Variants in PCDH15 observed in about 807,000 individuals in gnomAD.
PCDH15 encodes the protein protocadherin related 15.
A neutral mutation model predicts 178.5 loss-of-function variants in PCDH15; 129 were observed. The observed-to-expected ratio is 0.72, with a 90% confidence interval of 0.63 to 0.84. The LOEUF is 0.84. PCDH15 is among the 40% of genes least tolerant of loss of function. The probability of loss-of-function intolerance (pLI) is 0.00; values close to 1 mark genes in which losing one functional copy is unlikely to be tolerated. For synonymous variants in PCDH15, 800 were observed against 732.0 expected (o/e 1.09, Z -1.50); for missense variants, 2,230 against 2,099.9 (o/e 1.06, Z -1.21).
intron 10 of PCDH15, among the ~76,000 whole-genome samples, chr10:54,202,340 G>A (rs925682803): frequency 1.3e-5 from 2 of 152,008 alleles, no homozygotes; most frequent in African/African-American, 4.8e-5. Context: ...AAAAGAGGGA[G>A]GGAGGAAGAA....
chr10:54,735,768 A>G lies in PCDH15; in HGVS notation c.-29+65157T>C, dbSNP rs532794828. On this transcript the variant is annotated intron_variant, in intron 1 of 37. Coordinates refer to ENST00000644397, the MANE Select transcript of PCDH15 (RefSeq NM_001384140.1). ...ATTCTCAGTAAACTATCGCAAGAAC[A>G]AAAAACCAAACACCGCATATTCTCA... Among the ~76,000 whole-genome samples, 102 of 119,078 alleles carry G rather than the reference A, an allele frequency of 8.6e-4. 1 individual carries two copies. Among genetic ancestry groups the G allele is most frequent in the Non-Finnish European group, 1.5e-3 (87 of 56,476 alleles). 78.1% of individuals were successfully genotyped at this position (119,078 alleles called of 152,430 possible). A position where few individuals can be genotyped will look rare whatever the true frequency, so the allele number is the denominator to read the frequency against.
chr10:55,141,133 G>GT (rs541623656), intron 2 of PCDH15, among the ~76,000 whole-genome samples: 27 of 151,758 alleles, frequency 1.8e-4, no homozygotes, highest in African/African-American at 5.8e-4. Context: ...ATTTATTTGA[G>GT]TTTTTTTTAA....
chr10:54,227,309 T>G (rs2053563053), intron 9 of PCDH15, among the ~76,000 whole-genome samples: 1 of 152,236 alleles, frequency 6.6e-6, no homozygotes, highest in Non-Finnish European at 1.5e-5. Context: ...TCTTGACTTC[T>G]GAGCACTCAC....
chr10:55,353,202 C>T (rs936633651), intron 2 of PCDH15, among the ~76,000 whole-genome samples: 8 of 152,050 alleles, frequency 5.3e-5, no homozygotes, highest in African/African-American at 1.7e-4. Flanking sequence ...CCCAAGAGGT[C>T]GTCAAATCCC....
intron 1 of PCDH15, among the ~76,000 whole-genome samples, chr10:55,307,506 T>A (rs1412403022): frequency 2.1e-5 from 3 of 145,866 alleles, no homozygotes; most frequent in African/African-American, 5.1e-5. Flanking sequence ...AGACTCCATC[T>A]CAAAAAAAAA....
chr10:54,026,811 T>G (rs2135373069), intron 18 of PCDH15, among the ~76,000 whole-genome samples: 1 of 152,246 alleles, frequency 6.6e-6, no homozygotes, highest in East Asian at 1.9e-4. Flanking sequence ...GAGCTATCTA[T>G]GACAAACCCA....
At chr10:53,849,783 C>T (rs1240037811) in intron 28 of PCDH15, among the ~76,000 whole-genome samples, 1 of 146,612 alleles carries the variant, frequency 6.8e-6, no homozygotes. Context: ...ATGACATGAA[C>T]CCGGGAGACG....
intron 9 of PCDH15, 152 bp from the exon 10 acceptor site, chr10:54,214,200 CA>C: frequency 3.4e-6 from 2 of 580,372 alleles, no homozygotes; most frequent in South Asian, 3.6e-5. Flanking sequence ...AAAGCAGACA[CA>C]AATGTGGTAT....
chr10:55,301,965 C>A (rs1843293113), intron 1 of PCDH15, among the ~76,000 whole-genome samples: 1 of 152,166 alleles, frequency 6.6e-6, no homozygotes, highest in Admixed American at 6.6e-5. Flanking sequence ...TCAGCCAAAA[C>A]AGCACTGTCT....
At chr10:53,967,525 G>C (rs889524216) in intron 21 of PCDH15, among the ~76,000 whole-genome samples, 4 of 152,088 alleles carry the variant, frequency 2.6e-5, no homozygotes, top group Admixed American at 2.0e-4. Context: ...TTTCAGTTTG[G>C]CCTCCCAAAG....
Position 55,528,885 on chromosome 10 carries a change from T to C in PCDH15, c.-156+98740A>G, listed in dbSNP as rs370120944. Among the ~76,000 whole-genome samples, 741 of 152,162 alleles carry C rather than the reference T, an allele frequency of 4.9e-3. 6 individuals are homozygous for C. The highest frequency in any genetic ancestry group is 0.017 in the African/African-American group (689 of 41,518). ...CTATTTCTCCACATCCTCTCCAGCA[T>C]CTGTTGTTTCCTGACTTTTTAATGA... On this transcript the variant is annotated intron_variant, in intron 2 of 5. Transcript: ENST00000613346.
chr10:54,103,424 A>G (rs990096700), intron 15 of PCDH15, among the ~76,000 whole-genome samples: 8 of 152,080 alleles, frequency 5.3e-5, no homozygotes, highest in Admixed American at 3.3e-4. Flanking sequence ...AATTACTCCT[A>G]TTGTATTTAA....
chr10:55,215,868 A>T (rs984752276), intron 1 of PCDH15, among the ~76,000 whole-genome samples: 1 of 152,066 alleles, frequency 6.6e-6, no homozygotes, highest in African/African-American at 2.4e-5. Context: ...GACATCCAGG[A>T]TTTCTGAAGT....
chr10:53,921,549 A>G (rs908296941), intron 25 of PCDH15, among the ~76,000 whole-genome samples: 2 of 152,124 alleles, frequency 1.3e-5, no homozygotes, highest in African/African-American at 4.8e-5. Flanking sequence ...AAGGATACAC[A>G]GCTCAAGCCA....
intron 3 of PCDH15, among the ~76,000 whole-genome samples, chr10:54,854,639 C>T (rs1050468984): frequency 6.6e-6 from 1 of 152,002 alleles, no homozygotes; most frequent in Non-Finnish European, 1.5e-5. Context: ...CTGCTCTCTG[C>T]AGAGAGGAGG....
At chr10:55,193,210 T>C (rs929145508) in intron 1 of PCDH15, among the ~76,000 whole-genome samples, 1 of 151,842 alleles carries the variant, frequency 6.6e-6, no homozygotes, top group African/African-American at 2.4e-5. Context: ...GCTTACGATA[T>C]TGGAGATATT....
At chr10:54,242,128 TTTTATATATATATATA>T (rs1246246673) in intron 8 of PCDH15, among the ~76,000 whole-genome samples, 951 of 61,954 alleles carry the variant, frequency 0.015, 63 homozygotes, top group African/African-American at 0.028. Context: ...TGAATTCTAT[TTTTATATATATATATA>T]TATATATATA....
At chr10:54,492,071 A>C (rs2079647551) in intron 3 of PCDH15, among the ~76,000 whole-genome samples, 1 of 152,162 alleles carries the variant, frequency 6.6e-6, no homozygotes, top group South Asian at 2.1e-4. Context: ...ATTTCCCTTT[A>C]AAAGGACAGC....
At position 54,105,936 on chromosome 10, in the gene PCDH15, T is replaced by C. The variant is rs564187441; in HGVS notation, c.1918-15873A>G. 2.0e-5 allele frequency among the ~76,000 whole-genome samples: 3 copies of C among 152,306 alleles called. No individual in the cohort carries two copies. The South Asian group carries it at 6.2e-4, about 32-fold the overall frequency. ...TATAAAGTGTAGTATATGCAGACAA[T>C]TGCACATTATTGAGAAATAAAAAAT... is the stretch of plus-strand genomic sequence containing the variant. On this transcript the variant is annotated intron_variant, in intron 15 of 37. Transcript: ENST00000644397.
Sources: gnomAD v4.1 joint callset for allele counts (sites outside exome capture counted in the v4.1 genomes callset) on GRCh38, gnomAD v4.1.1 for gene constraint, MANE v1.5 for transcripts, NCBI Gene and HGNC (gene_info 2026-07-23, HGNC 2026-07-21) for gene names.